ADAMTSL3: variants seen among roughly 807,000 people sequenced by gnomAD.
The protein encoded by ADAMTSL3 is ADAMTS like 3, also known as ADAMTS-like protein 3.
A neutral mutation model predicts 201.7 loss-of-function variants in ADAMTSL3; 128 were observed. The ratio of observed to expected loss-of-function variants is 0.63; its 90% CI spans 0.55 to 0.73. ADAMTSL3 has a LOEUF of 0.73. Among genes scored for constraint, ADAMTSL3 ranks in the 30% least tolerant of loss-of-function variants. ADAMTSL3 has a pLI of 0.00. For synonymous variants in ADAMTSL3, 738 were observed against 748.4 expected, an observed-to-expected ratio of 0.99 and a Z score of 0.23; for missense variants, 1,990 against 2,119.6, an observed-to-expected ratio of 0.94 and a Z score of 1.20.
At chr15:83,850,093 G>A (rs566331834) in intron 7 of ADAMTSL3, among the ~76,000 whole-genome samples, 129 of 148,528 alleles carry the variant, frequency 8.7e-4, no homozygotes, top group African/African-American at 3.0e-3. Flanking sequence ...ACGCTCCAAG[G>A]AAGATTAGAA....
Position 83,773,631 on chromosome 15 carries a change from C to T in ADAMTSL3, c.298C>T (p.Arg100Trp), listed in dbSNP as rs752183445. Residue 100 changes from arginine to tryptophan, a missense_variant, in exon 4 of 30, where the codon CGG (arginine) becomes TGG (tryptophan). Physicochemically the swap from Arg to Trp is moderately radical, Grantham distance 101. Transcript: ENST00000286744. ...TCGGGASYSL[R>W]RCLTGRNCEG... ...TGGGGGAGGAGCATCATATTCTCTG[C>T]GGAGATGTTTGACTGGAAGGTTAGT... 66 of 1,609,180 alleles carry T rather than the reference C, an allele frequency of 4.1e-5. No individual in the cohort carries two copies. The East Asian group carries it at 4.2e-4, about 10-fold the overall frequency.
chr15:83,699,529 G>A (rs1202624990), intron 2 of ADAMTSL3, among the ~76,000 whole-genome samples: 2 of 152,158 alleles, frequency 1.3e-5, no homozygotes, highest in South Asian at 4.1e-4. Context: ...CTTCCAACTA[G>A]TCTTTGTGAT....
intron 9 of ADAMTSL3, among the ~76,000 whole-genome samples, chr15:83,882,893 A>G (rs762851723): frequency 1.5e-4 from 23 of 152,074 alleles, no homozygotes; most frequent in Non-Finnish European, 3.1e-4. Flanking sequence ...TCTAGAACTC[A>G]ATGAGCATTT....
At chr15:83,817,215 C>T (rs1239686756) in intron 5 of ADAMTSL3, among the ~76,000 whole-genome samples, 1 of 152,054 alleles carries the variant, frequency 6.6e-6, no homozygotes, top group Non-Finnish European at 1.5e-5. Context: ...TTTATAAAGG[C>T]CAAAAGTGTA....
chr15:83,761,802 A>G (rs1428028595), intron 3 of ADAMTSL3, among the ~76,000 whole-genome samples: 1 of 152,194 alleles, frequency 6.6e-6, no homozygotes, highest in Non-Finnish European at 1.5e-5. Flanking sequence ...CTGTCATTGT[A>G]TTTGAATGTT....
chr15:83,833,500 T>G (rs1240276741), intron 6 of ADAMTSL3, among the ~76,000 whole-genome samples: 1 of 152,206 alleles, frequency 6.6e-6, no homozygotes, highest in Non-Finnish European at 1.5e-5. Context: ...GTTAGGTCTC[T>G]GCATATGAAT....
At chr15:83,792,822 A>C (rs1011278622) in intron 4 of ADAMTSL3, among the ~76,000 whole-genome samples, 1 of 152,114 alleles carries the variant, frequency 6.6e-6, no homozygotes, top group African/African-American at 2.4e-5. Context: ...ATGATCCAGC[A>C]GTCTCACTAT....
chr15:83,919,433 C>G (rs867154957), intron 16 of ADAMTSL3, among the ~76,000 whole-genome samples: 1 of 151,832 alleles, frequency 6.6e-6, no homozygotes, highest in African/African-American at 2.4e-5. Context: ...CATGCAGAGG[C>G]GGAGAGGTGA....
At chr15:83,732,328 G>A (rs2062291864) in intron 3 of ADAMTSL3, among the ~76,000 whole-genome samples, 1 of 151,848 alleles carries the variant, frequency 6.6e-6, no homozygotes, top group Non-Finnish European at 1.5e-5. Flanking sequence ...TACACTAAAG[G>A]GCATCCTTTA....
intron 7 of ADAMTSL3, among the ~76,000 whole-genome samples, chr15:83,857,356 T>A (rs1342363700): frequency 1.3e-5 from 2 of 152,220 alleles, no homozygotes; most frequent in Admixed American, 1.3e-4. Flanking sequence ...GTGTTTCCTG[T>A]GCTTTTAGTG....
chr15:84,027,492 A>C (rs1424709378), intron 27 of ADAMTSL3, among the ~76,000 whole-genome samples: 1 of 152,190 alleles, frequency 6.6e-6, no homozygotes, highest in Non-Finnish European at 1.5e-5. Context: ...TGGGAGGCTG[A>C]GGCAGGAGGA....
rs1567227923 is a variant in ADAMTSL3, at chr15:83,906,618, CACACCACACACA to C, written c.1701-6473_1701-6462del. ...GTATCTATATATTTATATAGTGCCA[CACACCACACACA>C]CACACACACACACACACACACACAC... On this transcript the variant is annotated intron_variant, in intron 15 of 29. Transcript: ENST00000286744. Among the ~76,000 whole-genome samples, 4 of 25,628 alleles carry C rather than the reference CACACCACACACA, an allele frequency of 1.6e-4. No individual in the cohort carries two copies. In the East Asian group the frequency reaches 4.5e-3, roughly 29 times the overall value. The allele number at this position is 25,628 out of a possible 152,430, so 16.8% of individuals were successfully genotyped here.
rs776636615 is a variant in ADAMTSL3 at position 84,037,778 on chromosome 15, G to A, written c.5048G>A (p.Arg1683Lys). 6.2e-7 allele frequency: 1 copy of A among 1,613,964 alleles called. No individual in the cohort carries two copies. Among genetic ancestry groups the A allele is most frequent in the South Asian group, 1.1e-5 (1 of 91,008 alleles). ...NLCSLDRYKQRCCQSCQEG is the reference protein window; with the variant it reads ...NLCSLDRYKQKCCQSCQEG ...TGTTCTCTAGACCGCTACAAACAAA[G>A]GTGCTGCCAGTCATGTCAAGAGGGA... The change falls in exon 30 of 30, where the codon AGG (arginine) becomes AAG (lysine). Residue 1683 changes from arginine (R) to lysine (K), a missense_variant. Physicochemically the swap from Arg to Lys is conservative, Grantham distance 26. Transcript: ENST00000286744.
At chr15:83,784,769 C>G (rs2063233110) in intron 4 of ADAMTSL3, among the ~76,000 whole-genome samples, 3 of 151,656 alleles carry the variant, frequency 2.0e-5, no homozygotes, top group Admixed American at 2.0e-4. Context: ...TTGATTTCTC[C>G]TTATGTAAAA....
chr15:83,999,445 G>A (rs2067748393), intron 23 of ADAMTSL3, among the ~76,000 whole-genome samples: 2 of 152,204 alleles, frequency 1.3e-5, no homozygotes, highest in Admixed American at 6.5e-5. Context: ...AAATTAAAAT[G>A]TCTAGAATTC....
intron 7 of ADAMTSL3, among the ~76,000 whole-genome samples, chr15:83,855,444 G>T (rs900693755): frequency 1.3e-5 from 2 of 152,168 alleles, no homozygotes; most frequent in African/African-American, 4.8e-5. Context: ...CTCCCAGTTA[G>T]ATAAACCAAA....
chr15:83,925,329 G>A (rs940638460), intron 17 of ADAMTSL3, among the ~76,000 whole-genome samples: 1 of 152,120 alleles, frequency 6.6e-6, no homozygotes, highest in Non-Finnish European at 1.5e-5. Flanking sequence ...CATATTTCTC[G>A]CTTCCATTGA....
intron 16 of ADAMTSL3, among the ~76,000 whole-genome samples, chr15:83,914,773 A>G (rs1213532197): frequency 6.6e-6 from 1 of 152,042 alleles, no homozygotes; most frequent in Admixed American, 6.5e-5. Flanking sequence ...TTCTTGCCCA[A>G]GCCAAACTCC....
At chr15:83,708,827 T>C (rs540906836) in intron 3 of ADAMTSL3, among the ~76,000 whole-genome samples, 1 of 152,348 alleles carries the variant, frequency 6.6e-6, no homozygotes, top group South Asian at 2.1e-4. Flanking sequence ...TAGAGAATTA[T>C]ACAGTTTTAC....
Sources: gnomAD v4.1 joint callset for allele counts (sites outside exome capture counted in the v4.1 genomes callset) on GRCh38, gnomAD v4.1.1 for gene constraint, MANE v1.5 for transcripts, NCBI Gene and HGNC (gene_info 2026-07-23, HGNC 2026-07-21) for gene names.